Variants in ERICH2 observed in about 807,000 individuals in gnomAD.
ERICH2 encodes the protein glutamate rich 2.
In ERICH2, 17 loss-of-function variants were observed where a neutral mutation model predicts 17.4. The observed-to-expected ratio is 0.98, with a 90% confidence interval of 0.67 to 1.47. The LOEUF is 1.47. ERICH2 is among the 40% of genes most tolerant of loss of function. ERICH2 has a pLI of 0.00. For missense variants in ERICH2, 186 were observed against 183.2 expected, an observed-to-expected ratio of 1.01 and a Z score of -0.09; for synonymous variants, 51 against 61.1, an observed-to-expected ratio of 0.83 and a Z score of 0.77.
At chr2:170,777,308 TTAG>T in the ERICH2 span, 1 of 466,264 alleles carries the variant, frequency 2.1e-6, no homozygotes, top group Non-Finnish European at 2.9e-6. Context: ...ATAAAGGCTA[TTAG>T]TAAATTATTT....
chr2:170,772,193 C>T, the ERICH2 span, among the ~76,000 whole-genome samples: 1 of 152,312 alleles, frequency 6.6e-6, no homozygotes, highest in East Asian at 1.9e-4. Context: ...GAGCTTTCTA[C>T]CTACGCTCAC....
chr2:170,784,769 A>T (rs1287616574), exon 2 of ERICH2: 1 of 1,544,676 alleles, frequency 6.5e-7, no homozygotes, highest in Non-Finnish European at 8.7e-7. Flanking sequence ...ACCAATGATG[A>T]AGATGATGAT....
Position 170,798,753 on chromosome 2 carries a change from C to A in ERICH2, c.347-17C>A, listed in dbSNP as rs771900464. 4.3e-5 allele frequency: 67 copies of A among 1,550,270 alleles called. No individual in the cohort carries two copies. In the African/African-American group the frequency reaches 8.8e-4, roughly 20 times the overall value. ...ATTAAGAAACACCTTAAGCAATCCT[C>A]TTCCTTTCTGTGGCAGAGAAAACTC... On this transcript the variant is annotated splice_polypyrimidine_tract_variant and intron_variant, in intron 4 of 4. Transcript: ENST00000409885.
intron 3 of ERICH2, among the ~76,000 whole-genome samples, chr2:170,795,792 T>G (rs1701400869): frequency 6.6e-6 from 1 of 152,216 alleles, no homozygotes; most frequent in Non-Finnish European, 1.5e-5. Flanking sequence ...AGCCTGCAGC[T>G]CAGTCTCTTT....
chr2:170,777,317 T>C, the ERICH2 span: 14 of 619,224 alleles, frequency 2.3e-5, no homozygotes, highest in Non-Finnish European at 2.9e-5. Flanking sequence ...ATTAGTAAAT[T>C]ATTTCAAATA....
chr2:170,779,829 CA>C, upstream of ERICH2: 1 of 984,858 alleles, frequency 1.0e-6, no homozygotes, highest in African/African-American at 1.7e-5. Context: ...GATTGACAAG[CA>C]AACTTAATAC....
At chr2:170,782,642 G>A (rs558113127), upstream of ERICH2, among the ~76,000 whole-genome samples, 103 of 152,330 alleles carry the variant, frequency 6.8e-4, no homozygotes, top group Non-Finnish European at 1.5e-4. Context: ...GCATTAACAC[G>A]TTCCATTCAT....
At chr2:170,790,401 C>T (rs947686348) in intron 2 of ERICH2, among the ~76,000 whole-genome samples, 14 of 151,820 alleles carry the variant, frequency 9.2e-5, no homozygotes, top group Non-Finnish European at 1.6e-4. Flanking sequence ...CCAAGGCAGG[C>T]GGATCACCTG....
the ERICH2 span, chr2:170,771,135 C>T: frequency 1.9e-5 from 3 of 154,738 alleles, no homozygotes; most frequent in African/African-American, 4.8e-5. The surrounding 1 kb of genome is among the most constrained non-coding windows in gnomAD (Gnocchi z 4.8). Flanking sequence ...GCTAGCCGGG[C>T]TGGCTCTCGG....
upstream of ERICH2, among the ~76,000 whole-genome samples, chr2:170,779,382 A>T (rs1275027485): frequency 1.3e-5 from 2 of 152,208 alleles, no homozygotes; most frequent in Admixed American, 1.3e-4. Context: ...TTTTCACTCC[A>T]GTCCCAGCCA....
At chr2:170,792,030 A>T (rs986977091) in intron 2 of ERICH2, among the ~76,000 whole-genome samples, 1 of 152,194 alleles carries the variant, frequency 6.6e-6, no homozygotes, top group African/African-American at 2.4e-5. Flanking sequence ...ATCAAAGTAT[A>T]GGGGATTTTT....
chr2:170,786,520 G>A (rs1485462287), intron 2 of ERICH2, among the ~76,000 whole-genome samples: 1 of 151,842 alleles, frequency 6.6e-6, no homozygotes, highest in Non-Finnish European at 1.5e-5. Flanking sequence ...AAGATTCTTG[G>A]ATCTGTGAGT....
chr2:170,791,612 C>T (rs1701292320), intron 2 of ERICH2, among the ~76,000 whole-genome samples: 1 of 151,456 alleles, frequency 6.6e-6, no homozygotes, highest in Admixed American at 6.6e-5. Context: ...ATGGCGTGAA[C>T]CCGGGAGGCA....
chr2:170,791,658 C>T (rs918577589), intron 2 of ERICH2, among the ~76,000 whole-genome samples: 2 of 151,426 alleles, frequency 1.3e-5, no homozygotes, highest in Non-Finnish European at 1.5e-5. Flanking sequence ...CCACTGCGCT[C>T]CAGCCTGGGC....
intron 3 of ERICH2, among the ~76,000 whole-genome samples, chr2:170,794,105 C>CTTTTTTTTTTTTTTTTT (rs59152667): frequency 6.8e-5 from 6 of 88,166 alleles, no homozygotes; most frequent in Admixed American, 1.6e-4. Context: ...TCCTTTCTTT[C>CTTTTTTTTTTTTTTTTT]TTTTTTTTTT....
At chr2:170,790,841 T>C (rs1226374362) in intron 2 of ERICH2, among the ~76,000 whole-genome samples, 1 of 147,098 alleles carries the variant, frequency 6.8e-6, no homozygotes, top group Non-Finnish European at 1.5e-5. Context: ...ATTTGGAAAA[T>C]AGTAATCACA....
chr2:170,782,455 C>T, upstream of ERICH2: 1 of 784,120 alleles, frequency 1.3e-6, no homozygotes, highest in Non-Finnish European at 1.5e-6. Context: ...TTTTCTGCGA[C>T]CTTTGGGAAC....
chr2:170,796,331 CT>C (rs2105724596), intron 3 of ERICH2, among the ~76,000 whole-genome samples: 1 of 151,530 alleles, frequency 6.6e-6, no homozygotes, highest in African/African-American at 2.4e-5. Flanking sequence ...AATAAAGTCC[CT>C]TTTTTGTGTA....
At chr2:170,795,390 C>T (rs550125294) in intron 3 of ERICH2, among the ~76,000 whole-genome samples, 2 of 152,264 alleles carry the variant, frequency 1.3e-5, no homozygotes, top group Admixed American at 6.5e-5. Context: ...CTCTGTCACC[C>T]AGGCTGGAGT....
Sources: allele counts gnomAD v4.1 joint callset (sites outside exome capture counted in the v4.1 genomes callset), GRCh38; gene constraint gnomAD v4.1.1; non-coding constraint Gnocchi (gnomAD v3.1); transcripts MANE v1.5; gene names NCBI Gene and HGNC (gene_info 2026-07-23, HGNC 2026-07-21).